BTG4: variants seen among roughly 807,000 people sequenced by gnomAD.
The protein encoded by BTG4 is BTG anti-proliferation factor 4.
BTG4 carries 10 observed loss-of-function variants against 19.3 expected under a neutral mutation model. The observed-to-expected ratio is 0.52, with a 90% CI of 0.32 to 0.88. The LOEUF (loss-of-function observed/expected upper bound fraction) is 0.88. Among genes scored for constraint, BTG4 ranks in the 40% least tolerant of loss-of-function variants. BTG4 has a pLI of 0.04. For synonymous variants in BTG4, 91 were observed against 95.7 expected (o/e 0.95, Z 0.29); for missense variants, 238 against 281.9 (o/e 0.84, Z 1.11).
chr11:111,512,453 C>T (rs1484447501), upstream of BTG4: 1 of 146,496 alleles, frequency 6.8e-6, no homozygotes, highest in African/African-American at 2.5e-5. Context: ...CCGCGGGGTT[C>T]CAAGGACGGT....
intron 5 of BTG4, among the ~76,000 whole-genome samples, chr11:111,481,455 TAATA>T (rs1457755040): frequency 6.6e-6 from 1 of 151,786 alleles, no homozygotes; most frequent in Non-Finnish European, 1.5e-5. Flanking sequence ...AGTATGTATA[TAATA>T]AATTACATAT....
chr11:111,433,049 T>G, the BTG4 span, among the ~76,000 whole-genome samples: 2 of 152,116 alleles, frequency 1.3e-5, no homozygotes, highest in African/African-American at 4.8e-5. Flanking sequence ...TCATCTTAAC[T>G]GGGCCAAGCC....
the BTG4 span, among the ~76,000 whole-genome samples, chr11:111,419,506 T>A: frequency 6.6e-6 from 1 of 152,208 alleles, no homozygotes; most frequent in African/African-American, 2.4e-5. Flanking sequence ...AGAGAAGGTG[T>A]CAATACGGAA....
chr11:111,492,459 G>T (rs1389051476), downstream of BTG4, among the ~76,000 whole-genome samples: 2 of 152,116 alleles, frequency 1.3e-5, no homozygotes, highest in Non-Finnish European at 2.9e-5. Flanking sequence ...TCCATGCCCA[G>T]CCTAGAACAC....
intron 1 of BTG4, among the ~76,000 whole-genome samples, chr11:111,504,813 T>C (rs1866338080): frequency 6.6e-6 from 1 of 151,990 alleles, no homozygotes; most frequent in South Asian, 2.1e-4. Flanking sequence ...GTAGCATTTC[T>C]ATAAACAGTA....
the BTG4 span, among the ~76,000 whole-genome samples, chr11:111,429,934 T>C: frequency 1.5e-5 from 2 of 133,726 alleles, no homozygotes; most frequent in Non-Finnish European, 3.3e-5. Context: ...TTATTGTTGT[T>C]GGTGTTTTTT....
the BTG4 span, among the ~76,000 whole-genome samples, chr11:111,409,744 T>G: frequency 2.0e-5 from 3 of 152,328 alleles, no homozygotes; most frequent in African/African-American, 7.2e-5. Context: ...AGTATCCTCT[T>G]CCTAATGAAG....
intron 5 of BTG4, among the ~76,000 whole-genome samples, chr11:111,487,120 A>G (rs1304751231): frequency 6.6e-6 from 1 of 152,160 alleles, no homozygotes; most frequent in Non-Finnish European, 1.5e-5. Flanking sequence ...AATGGCTTCC[A>G]GCTCTATCCA....
the BTG4 span, among the ~76,000 whole-genome samples, chr11:111,384,041 T>C: frequency 6.6e-6 from 1 of 152,214 alleles, no homozygotes; most frequent in Non-Finnish European, 1.5e-5. Context: ...AGTGATGCTA[T>C]AGAAAAATTC....
the BTG4 span, among the ~76,000 whole-genome samples, chr11:111,436,728 G>A: frequency 6.6e-6 from 1 of 151,770 alleles, no homozygotes; most frequent in Non-Finnish European, 1.5e-5. Context: ...TGCTGGCCCA[G>A]GGGCAGGCGG....
rs774957341 is a variant in BTG4 at position 111,497,251 on chromosome 11, C to G, written c.470G>C (p.Arg157Pro). The change falls in exon 4 of 5, where the codon CGT becomes CCT. Residue 157 changes from arginine to proline, a missense_variant. Arg to Pro is a moderately radical substitution (Grantham distance 103, BLOSUM62 -2). Transcript: ENST00000692032. ...CGGATTGCTGACTTTAGGAATGACA[C>G]GAGGTTCCTTGCTACAACTTTCTTC... is the stretch of plus-strand genomic sequence containing the variant. ...CDEESCSKEP[R>P]VIPKVSNPKS... is the part of the protein sequence containing the mutation. 1 of 1,613,084 alleles carries G rather than the reference C, an allele frequency of 6.2e-7. No individual in the cohort carries two copies. Among genetic ancestry groups the G allele is most frequent in the South Asian group, 1.1e-5 (1 of 90,896 alleles).
At chr11:111,470,378 C>T (rs1263581364) in intron 5 of BTG4, among the ~76,000 whole-genome samples, 1 of 152,192 alleles carries the variant, frequency 6.6e-6, no homozygotes, top group Non-Finnish European at 1.5e-5. Context: ...AACCATGGCA[C>T]CTGGCCTCAT....
the BTG4 span, among the ~76,000 whole-genome samples, chr11:111,398,231 T>C: frequency 5.9e-5 from 9 of 152,356 alleles, no homozygotes; most frequent in East Asian, 1.5e-3. Flanking sequence ...GAGATAGCTC[T>C]ATATGTTCAC....
At chr11:111,459,102 C>T in the BTG4 span, among the ~76,000 whole-genome samples, 1 of 152,080 alleles carries the variant, frequency 6.6e-6, no homozygotes, top group Non-Finnish European at 1.5e-5. Context: ...AATAGCCAGA[C>T]ATAGTGGTGG....
At position 111,495,080 on chromosome 11, in the gene BTG4, G is replaced by A; in HGVS notation, c.*55C>T. On this transcript the variant is annotated 3_prime_UTR_variant, in exon 5 of 5. Coordinates refer to ENST00000692032, the MANE Select transcript of BTG4 (RefSeq NM_001367975.1). ...CAACCTTAAATTCATTTTTATTTTA[G>A]AGAGAATAAAGGCACTCCTCTGAGC... 7.0e-7 allele frequency: 1 copy of A among 1,431,506 alleles called. No homozygotes were observed. Among genetic ancestry groups the A allele is most frequent in the Non-Finnish European group, 9.1e-7 (1 of 1,093,442 alleles). The allele number at this position is 1,431,506 out of a possible 1,614,324, so 88.7% of individuals were successfully genotyped here.
chr11:111,438,766 C>G, the BTG4 span, among the ~76,000 whole-genome samples: 2 of 152,208 alleles, frequency 1.3e-5, no homozygotes, highest in African/African-American at 4.8e-5. Flanking sequence ...CCATACATTA[C>G]CCTAAGCTTC....
At chr11:111,392,267 T>A in the BTG4 span, among the ~76,000 whole-genome samples, 34 of 135,744 alleles carry the variant, frequency 2.5e-4, no homozygotes, top group East Asian at 7.1e-3. Context: ...AAGCTCTGCC[T>A]CCCGGGTTCA....
chr11:111,441,773 G>A, the BTG4 span, among the ~76,000 whole-genome samples: 1 of 152,172 alleles, frequency 6.6e-6, no homozygotes, highest in African/African-American at 2.4e-5. Context: ...AGCAAAGCGA[G>A]TTGGGCCGGG....
At chr11:111,440,536 C>T in the BTG4 span, among the ~76,000 whole-genome samples, 3 of 152,224 alleles carry the variant, frequency 2.0e-5, no homozygotes, top group Non-Finnish European at 2.9e-5. Context: ...GAGACTCAAA[C>T]CAACATCCTA....
Sources: gnomAD v4.1 joint callset for allele counts (sites outside exome capture counted in the v4.1 genomes callset) on GRCh38, gnomAD v4.1.1 for gene constraint, MANE v1.5 for transcripts, NCBI Gene and HGNC (gene_info 2026-07-23, HGNC 2026-07-21) for gene names.